The following ZNF804A variants were observed in gnomAD, a reference collection of about 807,000 sequenced individuals.
ZNF804A encodes zinc finger protein 804A.
ZNF804A carries 2 observed loss-of-function variants against 16.5 expected under a neutral mutation model. The observed-to-expected ratio is 0.12, with a 90% confidence interval of 0.05 to 0.38. The LOEUF is 0.38. Ranked by LOEUF, ZNF804A falls within the 10% of genes least tolerant of loss-of-function variation. ZNF804A has a pLI of 0.99. For synonymous variants in ZNF804A, 534 were observed against 489.6 expected, an observed-to-expected ratio of 1.09 and a Z score of -1.20; for missense variants, 1,473 against 1,390.7, an observed-to-expected ratio of 1.06 and a Z score of -0.94.
intron 1 of ZNF804A, among the ~76,000 whole-genome samples, chr2:184,695,799 C>T (rs1692821767): frequency 6.6e-6 from 1 of 152,062 alleles, no homozygotes. Flanking sequence ...GTCATGGTAT[C>T]ATTTCTTTCT....
chr2:184,763,604 T>C (rs1472303719), intron 1 of ZNF804A, among the ~76,000 whole-genome samples: 2 of 150,228 alleles, frequency 1.3e-5, no homozygotes, highest in Admixed American at 6.6e-5. Flanking sequence ...CCACTCTCTA[T>C]TGCTTTACTT....
At position 184,935,775 on chromosome 2, in the gene ZNF804A, C is replaced by T. The variant is rs778531672; in HGVS notation, c.387-8C>T. On this transcript the variant is annotated splice_region_variant and splice_polypyrimidine_tract_variant and intron_variant, in intron 3 of 3. Transcript: ENST00000302277. ...CTATTTAACACATGCTTCTGTTTCTCTCTCTAGTGCTCCTGGAAGTGGCCC... is the reference window on the plus strand; with the variant it reads ...CTATTTAACACATGCTTCTGTTTCTTTCTCTAGTGCTCCTGGAAGTGGCCC... The T allele has an allele frequency of 4.5e-6, 7 of 1,570,658 alleles. No individual in the cohort carries two copies. The African/African-American group carries it at 9.6e-5, about 22-fold the overall frequency.
At chr2:184,761,459 A>G (rs1017824513) in intron 1 of ZNF804A, among the ~76,000 whole-genome samples, 6 of 152,120 alleles carry the variant, frequency 3.9e-5, no homozygotes, top group Non-Finnish European at 8.8e-5. Context: ...GGATAGTTTG[A>G]TGCATAAAAT....
At chr2:184,837,672 G>GA (rs1444572069) in intron 1 of ZNF804A, among the ~76,000 whole-genome samples, 1 of 151,904 alleles carries the variant, frequency 6.6e-6, no homozygotes, top group Non-Finnish European at 1.5e-5. Flanking sequence ...ATGATATGAA[G>GA]AAAAATATTA....
chr2:184,874,660 A>G lies in ZNF804A; in HGVS notation c.255+8148A>G, dbSNP rs185083672. 7.8e-3 allele frequency among the ~76,000 whole-genome samples: 1,182 copies of G among 152,270 alleles called. 9 individuals carry two copies. The highest frequency in any genetic ancestry group is 0.012 in the Non-Finnish European group (835 of 68,016). ...ATTTCATTTTGTTAAACTTTAATCA[A>G]TATTAAAATAAAATTTTCTATGAAA... On this transcript the variant is annotated intron_variant, in intron 2 of 3. Coordinates refer to ENST00000302277, the MANE Select transcript of ZNF804A (RefSeq NM_194250.2).
At chr2:184,796,922 T>G (rs778554563) in intron 1 of ZNF804A, among the ~76,000 whole-genome samples, 18 of 152,306 alleles carry the variant, frequency 1.2e-4, no homozygotes, top group Middle Eastern at 3.4e-3. Flanking sequence ...AATTTCCATA[T>G]ACTTCCATGG....
At chr2:184,785,281 A>G (rs1271747186) in intron 1 of ZNF804A, among the ~76,000 whole-genome samples, 1 of 152,044 alleles carries the variant, frequency 6.6e-6, no homozygotes, top group Non-Finnish European at 1.5e-5. Flanking sequence ...TGCATAAATT[A>G]ATAGTAATTT....
At chr2:184,628,787 G>A (rs1018597053) in intron 1 of ZNF804A, among the ~76,000 whole-genome samples, 1 of 152,064 alleles carries the variant, frequency 6.6e-6, no homozygotes, top group African/African-American at 2.4e-5. Flanking sequence ...GAATTGCCAG[G>A]TTGTAGTGTA....
chr2:184,658,584 T>C (rs1692118408), intron 1 of ZNF804A, among the ~76,000 whole-genome samples: 1 of 152,118 alleles, frequency 6.6e-6, no homozygotes, highest in Non-Finnish European at 1.5e-5. Flanking sequence ...GAGATTTAGA[T>C]TTAGGCTATG....
At chr2:184,734,816 A>C (rs1344617508) in intron 1 of ZNF804A, among the ~76,000 whole-genome samples, 5 of 152,166 alleles carry the variant, frequency 3.3e-5, no homozygotes, top group Non-Finnish European at 7.3e-5. Flanking sequence ...CAATTCTAGC[A>C]GTTTTTTCCT....
chr2:184,699,032 G>A (rs1692880012), intron 1 of ZNF804A, among the ~76,000 whole-genome samples: 1 of 152,034 alleles, frequency 6.6e-6, no homozygotes, highest in African/African-American at 2.4e-5. Context: ...GAAGTGCATA[G>A]TTATATGCAT....
At chr2:184,814,131 G>C (rs1012131342) in intron 1 of ZNF804A, among the ~76,000 whole-genome samples, 1 of 148,998 alleles carries the variant, frequency 6.7e-6, no homozygotes, top group Non-Finnish European at 1.5e-5. Context: ...TAGGCAACTT[G>C]TGTTATTTTG....
At chr2:184,736,174 T>A (rs1292644818) in intron 1 of ZNF804A, among the ~76,000 whole-genome samples, 1 of 152,168 alleles carries the variant, frequency 6.6e-6, no homozygotes, top group Admixed American at 6.5e-5. Flanking sequence ...TATTGATTGC[T>A]TACAGGATGA....
intron 1 of ZNF804A, among the ~76,000 whole-genome samples, chr2:184,669,075 G>T (rs1692300367): frequency 6.6e-6 from 1 of 151,914 alleles, no homozygotes; most frequent in Non-Finnish European, 1.5e-5. Flanking sequence ...TGCAGAAAAT[G>T]AATGTAACAA....
chr2:184,642,489 C>T (rs1293538658), intron 1 of ZNF804A, among the ~76,000 whole-genome samples: 1 of 152,160 alleles, frequency 6.6e-6, no homozygotes, highest in African/African-American at 2.4e-5. Context: ...TTTGTATCAA[C>T]ATCTTCATAA....
At chr2:184,709,522 A>G (rs566062544) in intron 1 of ZNF804A, among the ~76,000 whole-genome samples, 26 of 151,998 alleles carry the variant, frequency 1.7e-4, no homozygotes, top group African/African-American at 5.5e-4. Flanking sequence ...TTTCCTGACT[A>G]TAAGGAATAC....
At chr2:184,802,312 C>T (rs766331858) in intron 1 of ZNF804A, among the ~76,000 whole-genome samples, 1 of 152,150 alleles carries the variant, frequency 6.6e-6, no homozygotes, top group Non-Finnish European at 1.5e-5. Context: ...CTGCTCAAGT[C>T]TTTTTCACTG....
At chr2:184,712,944 G>C (rs1693152102) in intron 1 of ZNF804A, among the ~76,000 whole-genome samples, 2 of 151,264 alleles carry the variant, frequency 1.3e-5, no homozygotes, top group South Asian at 4.2e-4. Flanking sequence ...GTCCATCTTT[G>C]TTTTTTGTAA....
chr2:184,627,349 GA>G (rs1691522076), intron 1 of ZNF804A, among the ~76,000 whole-genome samples: 4 of 151,986 alleles, frequency 2.6e-5, no homozygotes, highest in East Asian at 3.9e-4. Context: ...CTAGAAAGAT[GA>G]ATTTATATTT....
Sources: gnomAD v4.1 joint callset for allele counts (sites outside exome capture counted in the v4.1 genomes callset) on GRCh38, gnomAD v4.1.1 for gene constraint, MANE v1.5 for transcripts, NCBI Gene and HGNC (gene_info 2026-07-23, HGNC 2026-07-21) for gene names.